The following NRXN1 variants were observed in gnomAD, a reference collection of about 807,000 sequenced individuals.
The protein encoded by NRXN1 is neurexin 1, also known as neurexin-1.
A neutral mutation model predicts 150.9 loss-of-function variants in NRXN1; 39 were observed. The observed-to-expected ratio is 0.26, with a 90% CI of 0.20 to 0.34. NRXN1 has a LOEUF of 0.34. NRXN1 is among the 10% of genes least tolerant of loss of function. The pLI is 1.00. For synonymous variants in NRXN1, 924 were observed against 757.0 expected (o/e 1.22, Z -3.62); for missense variants, 1,815 against 1,949.9 (o/e 0.93, Z 1.30).
intron 2 of NRXN1, among the ~76,000 whole-genome samples, chr2:50,944,693 C>A (rs1391648338): frequency 6.6e-6 from 1 of 152,108 alleles, no homozygotes; most frequent in Non-Finnish European, 1.5e-5. Flanking sequence ...CAAAATGGTG[C>A]AGTATAATTA....
At chr2:50,837,263 G>A (rs1672249026) in intron 5 of NRXN1, among the ~76,000 whole-genome samples, 1 of 152,144 alleles carries the variant, frequency 6.6e-6, no homozygotes, top group South Asian at 2.1e-4. Flanking sequence ...CTGAAGAATA[G>A]CGCAAAAATT....
intron 17 of NRXN1, among the ~76,000 whole-genome samples, chr2:50,344,739 G>A (rs2077809644): frequency 6.6e-6 from 1 of 152,200 alleles, no homozygotes; most frequent in South Asian, 2.1e-4. Flanking sequence ...CTCTGCGGCA[G>A]GGCCCCTTGG....
chr2:50,252,258 C>CTTTTTTTTT (rs143522284), intron 17 of NRXN1, among the ~76,000 whole-genome samples: 3 of 69,706 alleles, frequency 4.3e-5, no homozygotes, highest in African/African-American at 1.8e-4. Flanking sequence ...TTTTTCTTTT[C>CTTTTTTTTT]TTTTTTTTTT....
At chr2:50,578,953 A>G (rs1439584037) in intron 8 of NRXN1, among the ~76,000 whole-genome samples, 1 of 152,162 alleles carries the variant, frequency 6.6e-6, no homozygotes, top group Non-Finnish European at 1.5e-5. Context: ...TTAGACTTCA[A>G]TTAGATACCA....
At chr2:50,150,585 T>C (rs1340790715) in intron 18 of NRXN1, among the ~76,000 whole-genome samples, 1 of 151,626 alleles carries the variant, frequency 6.6e-6, no homozygotes, top group East Asian at 1.9e-4. Context: ...TGTACATCTT[T>C]ACAATTTCTG....
At chr2:50,495,622 T>C (rs1469431844) in intron 15 of NRXN1, among the ~76,000 whole-genome samples, 1 of 152,154 alleles carries the variant, frequency 6.6e-6, no homozygotes, top group Non-Finnish European at 1.5e-5. Context: ...ACAAATGCCT[T>C]TTTAATATCA....
intron 2 of NRXN1, among the ~76,000 whole-genome samples, chr2:50,954,508 T>C (rs1055561941): frequency 1.2e-4 from 18 of 152,098 alleles, no homozygotes; most frequent in Admixed American, 3.9e-4. Flanking sequence ...AATTAGGGCA[T>C]AGACAGACTC....
chr2:50,627,240 G>C (rs1024366179), intron 5 of NRXN1, among the ~76,000 whole-genome samples: 3 of 151,708 alleles, frequency 2.0e-5, no homozygotes, highest in Non-Finnish European at 4.4e-5. Flanking sequence ...TCAGTCCTTA[G>C]AAAATAGTTA....
intron 5 of NRXN1, among the ~76,000 whole-genome samples, chr2:50,887,680 T>C (rs1301895148): frequency 6.6e-6 from 1 of 151,444 alleles, no homozygotes; most frequent in Admixed American, 6.6e-5. Flanking sequence ...TTGGAATACA[T>C]TTTTCATAAT....
intron 21 of NRXN1, among the ~76,000 whole-genome samples, chr2:50,029,323 T>C (rs903617040): frequency 2.0e-5 from 3 of 152,194 alleles, no homozygotes; most frequent in Admixed American, 6.5e-5. Context: ...CATTTTGTTA[T>C]AGCAGCCCTA....
chr2:50,415,026 A>G (rs767250969), intron 17 of NRXN1, among the ~76,000 whole-genome samples: 2 of 152,158 alleles, frequency 1.3e-5, no homozygotes, highest in Non-Finnish European at 2.9e-5. Context: ...CTTCATAACT[A>G]TGACATGGAT....
chr2:50,802,718 T>C (rs1230714455), intron 5 of NRXN1, among the ~76,000 whole-genome samples: 2 of 152,062 alleles, frequency 1.3e-5, no homozygotes, highest in Admixed American at 6.6e-5. Flanking sequence ...AGGTCATTCA[T>C]GTGGGCCCTA....
chr2:50,246,972 T>TA (rs1559164494), intron 17 of NRXN1, among the ~76,000 whole-genome samples: 1 of 152,096 alleles, frequency 6.6e-6, no homozygotes, highest in East Asian at 1.9e-4. Flanking sequence ...TAATGACTAA[T>TA]ACACTCCTCA....
chr2:50,573,809 C>G (rs1272902112), intron 8 of NRXN1, among the ~76,000 whole-genome samples: 1 of 151,788 alleles, frequency 6.6e-6, no homozygotes, highest in Admixed American at 6.6e-5. Flanking sequence ...ACTGTAACAA[C>G]TATTTACATG....
At chr2:50,397,575 A>G (rs1367483674) in intron 17 of NRXN1, among the ~76,000 whole-genome samples, 1 of 152,054 alleles carries the variant, frequency 6.6e-6, no homozygotes, top group Non-Finnish European at 1.5e-5. Flanking sequence ...TTCATTGGTC[A>G]TTTCTTGACC....
intron 2 of NRXN1, among the ~76,000 whole-genome samples, chr2:50,968,302 T>C (rs532704720): frequency 6.6e-6 from 1 of 152,272 alleles, no homozygotes; most frequent in Admixed American, 6.6e-5. Context: ...TGCCTATTGA[T>C]GATACTGTAT....
chr2:49,959,146 C>A (rs1294994368), intron 21 of NRXN1, among the ~76,000 whole-genome samples: 1 of 152,080 alleles, frequency 6.6e-6, no homozygotes, highest in East Asian at 1.9e-4. Flanking sequence ...TCCAAGCATC[C>A]TTATTGAAAC....
intron 12 of NRXN1, 49 bp downstream of exon 12, chr2:50,528,576 A>G (rs1294475147): frequency 9.5e-7 from 1 of 1,055,096 alleles, no homozygotes; most frequent in African/African-American, 1.6e-5. Context: ...TGACTAGCTT[A>G]CATCATAATG....
rs569858764 is a variant in NRXN1, at chr2:50,595,371, G to A, written c.1320+24651C>T. Among the ~76,000 whole-genome samples the A allele has an allele frequency of 4.0e-5, 6 of 151,350 alleles. No homozygotes were observed. In the South Asian group the frequency reaches 1.0e-3, roughly 26 times the overall value. The stretch of plus-strand genomic sequence containing the variant: ...TCTGTACTACTTTTTTGCAAGAAGT[G>A]GGGCATGCTCCAAATCCCTTGATTA... On this transcript the variant is annotated intron_variant, in intron 8 of 22. Transcript: ENST00000401669.
Sources: gnomAD v4.1 joint callset for allele counts (sites outside exome capture counted in the v4.1 genomes callset) on GRCh38, gnomAD v4.1.1 for gene constraint, MANE v1.5 for transcripts, NCBI Gene and HGNC (gene_info 2026-07-23, HGNC 2026-07-21) for gene names.